The following UGGT2 variants were observed in gnomAD, a reference collection of about 807,000 sequenced individuals.
The protein encoded by UGGT2 is UDP-glucose:glycoprotein glucosyltransferase 2.
UGGT2 carries 180 observed loss-of-function variants against 192.1 expected under a neutral mutation model. The ratio of observed to expected loss-of-function variants is 0.94; its 90% CI spans 0.83 to 1.06. The LOEUF (loss-of-function observed/expected upper bound fraction) is 1.06. UGGT2 is among the 50% of genes least tolerant of loss of function. The pLI is 0.00. For synonymous variants in UGGT2, 580 were observed against 591.0 expected (o/e 0.98, Z 0.27); for missense variants, 1,849 against 1,795.7 (o/e 1.03, Z -0.54).
rs981598530 is a variant in UGGT2 at position 95,937,725 on chromosome 13, T to C, written c.1813-637A>G. 3.9e-4 allele frequency among the ~76,000 whole-genome samples: 59 copies of C among 152,134 alleles called. 1 individual carries two copies. Among genetic ancestry groups the C allele is most frequent in the Non-Finnish European group, 5.9e-5 (4 of 68,034 alleles). On this transcript the variant is annotated intron_variant, in intron 16 of 38. Coordinates refer to ENST00000376747, the MANE Select transcript of UGGT2 (RefSeq NM_020121.4). ...AGGAAGGGATCATACAGGTCTTCTTTTAGGGAGTCATACTAAAAATCTTAA... is the reference window on the plus strand; with the variant it reads ...AGGAAGGGATCATACAGGTCTTCTTCTAGGGAGTCATACTAAAAATCTTAA...
At chr13:95,822,272 T>C (rs886727526) in intron 38 of UGGT2, among the ~76,000 whole-genome samples, 3 of 152,198 alleles carry the variant, frequency 2.0e-5, no homozygotes, top group Admixed American at 2.0e-4. Context: ...TGGTTAGGTA[T>C]ATGCCCAGGT....
chr13:95,881,946 T>C (rs2047507775), intron 27 of UGGT2, among the ~76,000 whole-genome samples: 1 of 151,520 alleles, frequency 6.6e-6, no homozygotes, highest in African/African-American at 2.4e-5. Context: ...TCTCGCTCCG[T>C]CACCCAGGAT....
intron 1 of UGGT2, among the ~76,000 whole-genome samples, chr13:96,045,309 C>T (rs1420469263): frequency 1.3e-5 from 2 of 152,078 alleles, no homozygotes; most frequent in Non-Finnish European, 2.9e-5. Context: ...AAACTCTCAA[C>T]AAAATCGGCA....
intron 37 of UGGT2, among the ~76,000 whole-genome samples, chr13:95,836,667 AG>A (rs1887320131): frequency 6.6e-6 from 1 of 152,202 alleles, no homozygotes; most frequent in Non-Finnish European, 1.5e-5. Context: ...AAATGTCCTT[AG>A]TAGGTAATAC....
At chr13:95,928,990 G>A (rs1349475801) in intron 17 of UGGT2, among the ~76,000 whole-genome samples, 1 of 152,184 alleles carries the variant, frequency 6.6e-6, no homozygotes, top group African/African-American at 2.4e-5. Flanking sequence ...GTCAGGAGCT[G>A]GAGACCAGCC....
chr13:95,829,430 C>G (rs137899972), intron 38 of UGGT2, among the ~76,000 whole-genome samples: 24 of 152,330 alleles, frequency 1.6e-4, no homozygotes, highest in Non-Finnish European at 2.6e-4. Context: ...CCCATCGTCT[C>G]AACCCCAAAT....
intron 36 of UGGT2, among the ~76,000 whole-genome samples, chr13:95,849,381 A>G (rs1393560636): frequency 6.6e-6 from 1 of 151,758 alleles, no homozygotes; most frequent in Non-Finnish European, 1.5e-5. Context: ...CTAAAATACA[A>G]AAATACAAAA....
At chr13:95,945,857 C>CTCTA in intron 15 of UGGT2, among the ~76,000 whole-genome samples, 1 of 152,086 alleles carries the variant, frequency 6.6e-6, no homozygotes. Flanking sequence ...AGTTTCTATA[C>CTCTA]TCTAGCTCAG....
intron 6 of UGGT2, among the ~76,000 whole-genome samples, chr13:95,998,912 A>G (rs549044256): frequency 6.6e-6 from 1 of 152,334 alleles, no homozygotes; most frequent in African/African-American, 2.4e-5. Context: ...CTATTGCCAC[A>G]GTGTACCTTA....
chr13:95,825,187 C>T, intron 38 of UGGT2, among the ~76,000 whole-genome samples: 1 of 152,214 alleles, frequency 6.6e-6, no homozygotes, highest in Middle Eastern at 3.4e-3. Context: ...GTGGTGTGCA[C>T]TTTTTAATTT....
Position 95,884,669 on chromosome 13 carries a change from A to G in UGGT2, c.3050T>C (p.Phe1017Ser). 6.2e-7 allele frequency: 1 copy of G among 1,609,230 alleles called. No homozygotes were observed. The highest frequency in any genetic ancestry group is 8.5e-7 in the Non-Finnish European group (1 of 1,178,392). Residue 1017 changes from phenylalanine (F) to serine (S), a missense_variant, in exon 27 of 39, where the codon TTT becomes TCT. Phe to Ser is a radical substitution (Grantham distance 155, BLOSUM62 -2). Coordinates refer to ENST00000376747, the MANE Select transcript of UGGT2 (RefSeq NM_020121.4). ...TGACATCAGTTCTGGTTCCAGAACA[A>G]AACGGTAAAAGCTGTTAATAAAACA... is the stretch of plus-strand genomic sequence containing the variant. ...SEAPLESFYR[F>S]VLEPELMSGA...
At chr13:95,924,822 T>C (rs1176978913) in intron 20 of UGGT2, among the ~76,000 whole-genome samples, 1 of 152,214 alleles carries the variant, frequency 6.6e-6, no homozygotes, top group Non-Finnish European at 1.5e-5. Flanking sequence ...TGAGGACTCC[T>C]GCAGTGGCAT....
rs562958257 is a variant in UGGT2, at chr13:95,801,952, C to T, written c.4529-140G>A. 6.1e-5 allele frequency: 53 copies of T among 870,930 alleles called. 1 individual carries two copies. The highest frequency in any genetic ancestry group is 5.6e-4 in the Middle Eastern group (2 of 3,572). 54.0% of individuals were successfully genotyped at this position (870,930 alleles called of 1,614,324 possible). On this transcript the variant is annotated intron_variant, in intron 38 of 38. Transcript: ENST00000376747. The stretch of plus-strand genomic sequence containing the variant: ...AGTTCAGTACCTATATGCTTCATTA[C>T]GCAACACGAGAATAGCTCTTTGTAC...
intron 25 of UGGT2, among the ~76,000 whole-genome samples, chr13:95,889,225 T>C (rs982054188): frequency 6.6e-6 from 1 of 152,200 alleles, no homozygotes; most frequent in Non-Finnish European, 1.5e-5. Flanking sequence ...GATTGCTTTC[T>C]AAAGAATAAT....
intron 16 of UGGT2, among the ~76,000 whole-genome samples, chr13:95,938,361 T>A (rs2049539202): frequency 6.6e-6 from 1 of 152,188 alleles, no homozygotes; most frequent in South Asian, 2.1e-4. Flanking sequence ...AATAACTCAT[T>A]TGCTATCCAA....
At chr13:96,014,293 T>C (rs2052258717) in intron 4 of UGGT2, among the ~76,000 whole-genome samples, 1 of 152,148 alleles carries the variant, frequency 6.6e-6, no homozygotes, top group African/African-American at 2.4e-5. Context: ...TTCAGTCAAT[T>C]ACTACCTTTG....
intron 12 of UGGT2, among the ~76,000 whole-genome samples, chr13:95,969,820 G>A (rs771510950): frequency 2.6e-5 from 4 of 152,174 alleles, no homozygotes; most frequent in Non-Finnish European, 5.9e-5. Context: ...TTTTAACCAT[G>A]TATTTGGTGT....
chr13:95,806,941 C>T (rs1344348071), intron 38 of UGGT2, among the ~76,000 whole-genome samples: 3 of 152,000 alleles, frequency 2.0e-5, no homozygotes, highest in East Asian at 3.9e-4. Context: ...TAGAAGAAAA[C>T]ATACATGGAA....
intron 20 of UGGT2, among the ~76,000 whole-genome samples, chr13:95,903,877 T>C: frequency 6.6e-6 from 1 of 152,206 alleles, no homozygotes; most frequent in East Asian, 1.9e-4. Context: ...CACTTTGTAT[T>C]GTCAGATTTT....
Sources: allele counts gnomAD v4.1 joint callset (sites outside exome capture counted in the v4.1 genomes callset), GRCh38; gene constraint gnomAD v4.1.1; transcripts MANE v1.5; gene names NCBI Gene and HGNC (gene_info 2026-07-23, HGNC 2026-07-21).